The following TRMT11 variants were observed in gnomAD, a reference collection of about 807,000 sequenced individuals.
TRMT11 encodes the protein tRNA (guanine(10)-N(2))-methyltransferase TRMT11.
TRMT11 carries 53 observed loss-of-function variants against 62.8 expected under a neutral mutation model. The ratio of observed to expected loss-of-function variants is 0.84; its 90% confidence interval spans 0.68 to 1.06. The LOEUF (loss-of-function observed/expected upper bound fraction) is 1.06, where lower values mean the gene tolerates loss of function less well. TRMT11 is among the 50% of genes least tolerant of loss of function. TRMT11 has a pLI of 0.00. For missense variants in TRMT11, 556 were observed against 553.4 expected, an observed-to-expected ratio of 1.00 and a Z score of -0.05; for synonymous variants, 188 against 190.3, an observed-to-expected ratio of 0.99 and a Z score of 0.10.
chr6:126,001,317 CT>C (rs1792441497), intron 7 of TRMT11, among the ~76,000 whole-genome samples: 2 of 151,972 alleles, frequency 1.3e-5, no homozygotes, highest in South Asian at 4.1e-4. Flanking sequence ...CAGCCAAAGT[CT>C]TTTTTTCTTT....
At chr6:126,187,533 T>A (rs1462914788) in intron 1 of TRMT11, among the ~76,000 whole-genome samples, 1 of 151,994 alleles carries the variant, frequency 6.6e-6, no homozygotes, top group African/African-American at 2.4e-5. Context: ...ACCAAACTGA[T>A]CTATATGTTC....
At chr6:126,077,482 C>T (rs1018449971) in intron 17 of TRMT11, among the ~76,000 whole-genome samples, 1 of 152,136 alleles carries the variant, frequency 6.6e-6, no homozygotes, top group African/African-American at 2.4e-5. Flanking sequence ...CAAGAGATCA[C>T]GTTCCTTTCT....
chr6:126,010,842 C>A (rs6920788), intron 8 of TRMT11, among the ~76,000 whole-genome samples: 1 of 151,934 alleles, frequency 6.6e-6, no homozygotes, highest in African/African-American at 2.4e-5. Context: ...GCCTCCCTTC[C>A]TCATGGTCAC....
chr6:126,186,072 C>T (rs1192052385), intron 1 of TRMT11, among the ~76,000 whole-genome samples: 1 of 152,134 alleles, frequency 6.6e-6, no homozygotes, highest in East Asian at 1.9e-4. Flanking sequence ...TTTAAAATAT[C>T]CTTCTGAAGA....
intron 1 of TRMT11, among the ~76,000 whole-genome samples, chr6:126,194,134 T>G (rs1294257286): frequency 1.3e-5 from 2 of 152,182 alleles, no homozygotes; most frequent in Non-Finnish European, 2.9e-5. Context: ...AGAAGTTGGA[T>G]GAAGTGGTCT....
intron 7 of TRMT11, among the ~76,000 whole-genome samples, chr6:126,007,269 CTA>C (rs1375241369): frequency 2.6e-5 from 4 of 151,936 alleles, no homozygotes; most frequent in Admixed American, 1.3e-4. Flanking sequence ...TGCTACCAGA[CTA>C]TGTTTTAAAT....
intron 7 of TRMT11, among the ~76,000 whole-genome samples, chr6:126,001,798 C>T (rs1792537023): frequency 6.6e-6 from 1 of 152,008 alleles, no homozygotes; most frequent in African/African-American, 2.4e-5. Flanking sequence ...CTCCAGTGCT[C>T]CCTCCACAGT....
At chr6:126,234,322 A>G in the TRMT11 span, among the ~76,000 whole-genome samples, 1 of 152,164 alleles carries the variant, frequency 6.6e-6, no homozygotes, top group African/African-American at 2.4e-5. Context: ...AAATACTGAA[A>G]TGTATAAAAA....
chr6:126,048,009 C>T (rs1218562272), intron 16 of TRMT11, among the ~76,000 whole-genome samples: 1 of 152,224 alleles, frequency 6.6e-6, no homozygotes, highest in Non-Finnish European at 1.5e-5. Flanking sequence ...CCCTCAATGA[C>T]ATCTTGGATT....
chr6:126,115,983 C>T (rs915976235), intron 21 of TRMT11, among the ~76,000 whole-genome samples: 1 of 151,472 alleles, frequency 6.6e-6, no homozygotes, highest in Non-Finnish European at 1.5e-5. Context: ...TTTTCGTAAT[C>T]CCTTGTGCTT....
chr6:126,043,263 C>T (rs1342908226), downstream of TRMT11, among the ~76,000 whole-genome samples: 1 of 138,366 alleles, frequency 7.2e-6, no homozygotes, highest in African/African-American at 2.7e-5. Context: ...TCCATGTGTT[C>T]TCATTGTTCA....
At chr6:126,058,194 G>GA (rs1331211921) in intron 17 of TRMT11, among the ~76,000 whole-genome samples, 2 of 152,154 alleles carry the variant, frequency 1.3e-5, no homozygotes, top group East Asian at 3.9e-4. Context: ...TTATGAGTGA[G>GA]AACATGCGGT....
chr6:126,243,120 C>T, the TRMT11 span, among the ~76,000 whole-genome samples: 8 of 152,060 alleles, frequency 5.3e-5, no homozygotes, highest in East Asian at 1.9e-4. Flanking sequence ...AAAAACTAGG[C>T]GAAGGATATG....
intron 17 of TRMT11, among the ~76,000 whole-genome samples, chr6:126,077,307 C>T (rs1038595214): frequency 1.3e-5 from 2 of 152,130 alleles, no homozygotes; most frequent in Non-Finnish European, 2.9e-5. Flanking sequence ...ACTAACAGAG[C>T]AATTTGGCTG....
chr6:126,224,645 G>A, the TRMT11 span, among the ~76,000 whole-genome samples: 1 of 152,324 alleles, frequency 6.6e-6, no homozygotes, highest in Non-Finnish European at 1.5e-5. Context: ...GAGTCGCACC[G>A]CAGCAGGGTC....
At chr6:126,269,797 A>G in the TRMT11 span, among the ~76,000 whole-genome samples, 2 of 152,196 alleles carry the variant, frequency 1.3e-5, no homozygotes, top group South Asian at 4.1e-4. Flanking sequence ...CAAAGTATTA[A>G]TCTCCAGAGT....
chr6:126,246,964 G>A, the TRMT11 span, among the ~76,000 whole-genome samples: 1 of 152,168 alleles, frequency 6.6e-6, no homozygotes, highest in African/African-American at 2.4e-5. Context: ...ACTCACAGAG[G>A]GCTGCGGTGA....
upstream of TRMT11, among the ~76,000 whole-genome samples, chr6:126,175,685 G>C (rs1368745052): frequency 6.6e-6 from 1 of 152,052 alleles, no homozygotes; most frequent in Non-Finnish European, 1.5e-5. Flanking sequence ...ATACAGAAAA[G>C]GCATTTTACT....
chr6:126,023,688 A>C (rs976957545), intron 12 of TRMT11, among the ~76,000 whole-genome samples: 1 of 152,082 alleles, frequency 6.6e-6, no homozygotes, highest in Non-Finnish European at 1.5e-5. Context: ...ACACTGCCTG[A>C]TGCAATAATA....
Sources: allele counts gnomAD v4.1 joint callset (sites outside exome capture counted in the v4.1 genomes callset), GRCh38; gene constraint gnomAD v4.1.1; transcripts MANE v1.5; gene names NCBI Gene and HGNC (gene_info 2026-07-23, HGNC 2026-07-21).